IQCH: variants seen among roughly 807,000 people sequenced by gnomAD.
IQCH encodes the protein IQ motif containing H.
IQCH carries 98 observed loss-of-function variants against 117.0 expected under a neutral mutation model. That is an observed-to-expected ratio of 0.84 (90% confidence interval 0.71 to 0.99). The LOEUF (loss-of-function observed/expected upper bound fraction) is 0.99, where lower values mean the gene tolerates loss of function less well. Ranked by LOEUF, IQCH falls within the 50% of genes least tolerant of loss-of-function variation. IQCH has a pLI of 0.00. For missense variants in IQCH, 1,102 were observed against 1,243.8 expected (o/e 0.89, Z 1.72); for synonymous variants, 412 against 448.2 (o/e 0.92, Z 1.02).
intron 16 of IQCH, among the ~76,000 whole-genome samples, chr15:67,450,441 G>A (rs1467616550): frequency 6.6e-6 from 1 of 152,176 alleles, no homozygotes; most frequent in Admixed American, 6.5e-5. Context: ...AAAGGTTGTT[G>A]AATTTTGTCA....
At chr15:67,287,097 C>T (rs1300244795) in intron 4 of IQCH, among the ~76,000 whole-genome samples, 2 of 151,996 alleles carry the variant, frequency 1.3e-5, no homozygotes, top group Non-Finnish European at 2.9e-5. Context: ...TATGTTGAAC[C>T]CTCCTTCCAT....
chr15:67,372,489 G>A lies in IQCH; in HGVS notation c.1132G>A (p.Ala378Thr), dbSNP rs983108679. ...TTCGGAGGCCGCCATGAAGATCCAA[G>A]CCACATGGAAATGCTACAAAGCAAG... The part of the protein sequence containing the change: ...GNSEAAMKIQ[A>T]TWKCYKARKF... Residue 378 changes from alanine (A) to threonine (T), a missense_variant, in exon 9 of 21, where the codon GCC becomes ACC. Coordinates refer to ENST00000335894, the MANE Select transcript of IQCH (RefSeq NM_001031715.3). 3 of 1,613,904 alleles carry A rather than the reference G, an allele frequency of 1.9e-6. No individual in the cohort carries two copies. Among genetic ancestry groups the A allele is most frequent in the Non-Finnish European group, 1.7e-6 (2 of 1,179,998 alleles).
intron 5 of IQCH, among the ~76,000 whole-genome samples, chr15:67,338,036 T>A (rs573382063): frequency 6.6e-6 from 1 of 152,342 alleles, no homozygotes; most frequent in East Asian, 1.9e-4. Context: ...TCAGCAATCT[T>A]TGTGACATAT....
At position 67,369,695 on chromosome 15, in the gene IQCH, A is replaced by G. The variant is rs184496557; in HGVS notation, c.754-2416A>G. On this transcript the variant is annotated intron_variant, in intron 8 of 20. Transcript: ENST00000335894. The surrounding 1 kb of genome is among the most constrained non-coding windows in gnomAD (Gnocchi z 5.2). ...AATGAGCCAGAACCTGAAGCATGGC[A>G]TGACCTTTAATCAGGGCTCTTATTC... Among the ~76,000 whole-genome samples the G allele has an allele frequency of 1.5e-3, 233 of 152,380 alleles. 1 individual carries two copies. Among genetic ancestry groups the G allele is most frequent in the Non-Finnish European group, 3.5e-4 (24 of 68,036 alleles).
At chr15:67,374,945 A>C (rs1416260922) in intron 10 of IQCH, among the ~76,000 whole-genome samples, 1 of 152,156 alleles carries the variant, frequency 6.6e-6, no homozygotes, top group African/African-American at 2.4e-5. Context: ...AGGGCCCCCC[A>C]CTTTGCAAAG....
intron 4 of IQCH, among the ~76,000 whole-genome samples, chr15:67,324,190 C>T (rs1423618623): frequency 6.6e-6 from 1 of 151,852 alleles, no homozygotes; most frequent in African/African-American, 2.4e-5. Flanking sequence ...TGTGATCCAT[C>T]CACCTCAGCC....
chr15:67,392,105 T>C (rs1373558005), intron 12 of IQCH, among the ~76,000 whole-genome samples: 1 of 152,204 alleles, frequency 6.6e-6, no homozygotes, highest in Non-Finnish European at 1.5e-5. Context: ...TGTGTGACTT[T>C]GAGCAAATCA....
chr15:67,323,692 C>T (rs1192857023), intron 4 of IQCH, among the ~76,000 whole-genome samples: 3 of 151,946 alleles, frequency 2.0e-5, no homozygotes, highest in Non-Finnish European at 2.9e-5. Context: ...GTTAATATTG[C>T]ACCAGTTCAC....
intron 16 of IQCH, among the ~76,000 whole-genome samples, chr15:67,441,170 A>T (rs2140966180): frequency 6.8e-6 from 1 of 147,542 alleles, no homozygotes; most frequent in East Asian, 2.0e-4. Flanking sequence ...TTAGGAATAT[A>T]CCTAACCAAG....
chr15:67,482,253 C>T (rs189114939), intron 18 of IQCH, among the ~76,000 whole-genome samples: 9 of 152,272 alleles, frequency 5.9e-5, no homozygotes, highest in African/African-American at 2.2e-4. Flanking sequence ...CTGGAAATGT[C>T]TGCCCAGTGG....
chr15:67,366,493 C>A lies in IQCH; in HGVS notation c.754-5618C>A, dbSNP rs1342586070. Among the ~76,000 whole-genome samples, 1 of 152,152 alleles carries A rather than the reference C, an allele frequency of 6.6e-6. No individual in the cohort carries two copies. The highest frequency in any genetic ancestry group is 1.5e-5 in the Non-Finnish European group (1 of 68,014). ...ATCAAAGGATGGGGATTTTTCTCCT[C>A]AGGAAGTGTTTCAGAGTTCAGGAAG... On this transcript the variant is annotated intron_variant, in intron 8 of 20. Transcript: ENST00000335894. The surrounding 1 kb of genome is among the most constrained non-coding windows in gnomAD (Gnocchi z 4.4).
At position 67,494,947 on chromosome 15, in the gene IQCH, G is replaced by A. The variant is rs528266976; in HGVS notation, c.2970+581G>A. Among the ~76,000 whole-genome samples, 3 of 152,202 alleles carry A rather than the reference G, an allele frequency of 2.0e-5. No individual in the cohort carries two copies. The highest frequency in any genetic ancestry group is 7.2e-5 in the African/African-American group (3 of 41,450). ...ATGTTGGTCTATCAAATCCAGTTGT[G>A]TATAATTGACTAGAAGTCTCCAAAC... is the stretch of plus-strand genomic sequence containing the variant. On this transcript the variant is annotated intron_variant, in intron 20 of 20. Transcript: ENST00000335894. This position sits in a 1 kb window ranked among gnomAD's most constrained non-coding sequence, Gnocchi z 5.5.
At chr15:67,268,951 A>C (rs1472388593) in intron 3 of IQCH, among the ~76,000 whole-genome samples, 1 of 151,014 alleles carries the variant, frequency 6.6e-6, no homozygotes, top group African/African-American at 2.4e-5. Flanking sequence ...AAAACATAAC[A>C]AACTGGAAAA....
intron 16 of IQCH, among the ~76,000 whole-genome samples, chr15:67,450,476 A>G (rs939974644): frequency 9.9e-5 from 15 of 152,218 alleles, no homozygotes; most frequent in African/African-American, 3.6e-4. Flanking sequence ...ATCTATTGAG[A>G]TAATCATGTG....
chr15:67,359,993 A>T lies in IQCH; in HGVS notation c.753+108A>T. ...GACTGCTTGACAGCTGGAGATGGCAACAAAAGTTCGTGCTTCCTTTGTAAA... is the reference window on the plus strand; with the variant it reads ...GACTGCTTGACAGCTGGAGATGGCATCAAAAGTTCGTGCTTCCTTTGTAAA... On this transcript the variant is annotated intron_variant, in intron 8 of 20. Transcript: ENST00000335894. The surrounding 1 kb of genome is among the most constrained non-coding windows in gnomAD (Gnocchi z 4.5). The T allele has an allele frequency of 1.3e-6, 1 of 772,442 alleles. No homozygotes were observed. 47.8% of individuals were successfully genotyped at this position (772,442 alleles called of 1,614,324 possible). A position where few individuals can be genotyped will look rare whatever the true frequency, so the allele number is the denominator to read the frequency against.
chr15:67,423,364 A>G (rs1339895583), intron 16 of IQCH, among the ~76,000 whole-genome samples: 1 of 152,066 alleles, frequency 6.6e-6, no homozygotes, highest in Non-Finnish European at 1.5e-5. Context: ...CCAGGAGTTC[A>G]GGACCAGCCT....
intron 9 of IQCH, 128 bp from the exon 10 acceptor site, chr15:67,373,239 G>A (rs558577045): frequency 3.4e-6 from 2 of 595,604 alleles, no homozygotes; most frequent in South Asian, 4.7e-5. Flanking sequence ...GATGTTTTAA[G>A]TATGTAATTA....
At chr15:67,282,012 G>T in intron 4 of IQCH, 2 of 310,042 alleles carry the variant, frequency 6.5e-6, no homozygotes, top group Admixed American at 8.2e-5. Flanking sequence ...GATTATTAGA[G>T]GCACGCTGGG....
chr15:67,483,622 A>AT (rs1491116812), intron 18 of IQCH, among the ~76,000 whole-genome samples: 4 of 151,090 alleles, frequency 2.6e-5, no homozygotes, highest in African/African-American at 9.9e-5. Context: ...ATCTAAACAG[A>AT]TTTTTTTCTT....
Sources: allele counts gnomAD v4.1 joint callset (sites outside exome capture counted in the v4.1 genomes callset), GRCh38; gene constraint gnomAD v4.1.1; non-coding constraint Gnocchi (gnomAD v3.1); transcripts MANE v1.5; gene names NCBI Gene and HGNC (gene_info 2026-07-23, HGNC 2026-07-21).